ZNF831: variants seen among roughly 807,000 people sequenced by gnomAD.
The protein encoded by ZNF831 is zinc finger protein 831.
ZNF831 carries 59 observed loss-of-function variants against 95.8 expected under a neutral mutation model. That is an observed-to-expected ratio of 0.62 (90% CI 0.50 to 0.77). ZNF831 has a LOEUF of 0.77. Among genes scored for constraint, ZNF831 ranks in the 30% least tolerant of loss-of-function variants. The probability of loss-of-function intolerance (pLI) is 0.00; values close to 1 mark genes in which losing one functional copy is unlikely to be tolerated. For synonymous variants in ZNF831, 961 were observed against 925.5 expected (o/e 1.04, Z -0.70); for missense variants, 2,205 against 2,164.0 (o/e 1.02, Z -0.38).
intron 4 of ZNF831, among the ~76,000 whole-genome samples, chr20:59,211,779 TTGTGTGTGTG>T (rs11472424): frequency 4.8e-4 from 70 of 146,786 alleles, no homozygotes; most frequent in Admixed American, 1.7e-3. Context: ...GGAGCTGACC[TTGTGTGTGTG>T]TGTGTGTGTG....
At chr20:59,123,580 G>T (rs1237038584) in intron 1 of ZNF831, 1 of 152,960 alleles carries the variant, frequency 6.5e-6, no homozygotes, top group Non-Finnish European at 1.5e-5. Flanking sequence ...CAGCGCCGGG[G>T]GTTATTGGGG....
intron 2 of ZNF831, among the ~76,000 whole-genome samples, chr20:59,157,278 C>T (rs530100841): frequency 6.6e-6 from 1 of 152,056 alleles, no homozygotes; most frequent in Admixed American, 6.6e-5. Context: ...CACAAATGAG[C>T]GAGAAAGAAG....
In ZNF831 at chr20:59,255,667, C is replaced by G. The variant is rs1233636054; in HGVS notation, c.*924C>G. 6.6e-6 allele frequency: 1 copy of G among 152,232 alleles called. No individual in the cohort carries two copies. 9.4% of individuals were successfully genotyped at this position (152,232 alleles called of 1,614,324 possible). A position where few individuals can be genotyped will look rare whatever the true frequency, so the allele number is the denominator to read the frequency against. On this transcript the variant is annotated 3_prime_UTR_variant, in exon 6 of 6. Transcript: ENST00000371030. The stretch of plus-strand genomic sequence containing the variant: ...GGTTACATTTTAGTAATCTGTACAG[C>G]TTCAACTGATGCCTGCTCGTCGTGA...
chr20:59,254,771 C>A lies in ZNF831; in HGVS notation c.*28C>A. ...CTTCCAGAGAAACATGGTGTCTGGTCAAAAAGACTGTTGACGCTTCACAAG... is the reference window on the plus strand; with the variant it reads ...CTTCCAGAGAAACATGGTGTCTGGTAAAAAAGACTGTTGACGCTTCACAAG... On this transcript the variant is annotated 3_prime_UTR_variant, in exon 6 of 6. Transcript: ENST00000371030. This position sits in a 1 kb window ranked among gnomAD's most constrained non-coding sequence, Gnocchi z 4.5. The A allele has an allele frequency of 1.4e-6, 2 of 1,480,360 alleles. No individual in the cohort carries two copies. The highest frequency in any genetic ancestry group is 2.7e-5 in the South Asian group (2 of 75,354). 91.7% of individuals were successfully genotyped at this position (1,480,360 alleles called of 1,614,324 possible).
rs1165003048 is a variant in ZNF831, at chr20:59,192,426, C to G, written c.1407C>G (p.Pro469=). The change falls in exon 2 of 6, where the codon CCC becomes CCG. Residue 469 remains proline (P), a synonymous_variant. Coordinates refer to ENST00000371030, the MANE Select transcript of ZNF831 (RefSeq NM_178457.3). The surrounding 1 kb of genome is among the most constrained non-coding windows in gnomAD (Gnocchi z 5.2). ...LEPGRRRAPG[P]VRSTWTPPDK... is the part of the protein sequence containing the mutation. The stretch of plus-strand genomic sequence containing the variant: ...CAGGCCGTAGGAGGGCCCCGGGCCC[C>G]GTGCGCTCCACCTGGACGCCCCCAG... The G allele has an allele frequency of 1.9e-6, 3 of 1,609,992 alleles. No homozygotes were observed. Among genetic ancestry groups the G allele is most frequent in the Admixed American group, 1.7e-5 (1 of 59,546 alleles).
At chr20:59,235,630 G>T (rs889529475) in intron 4 of ZNF831, among the ~76,000 whole-genome samples, 2 of 152,008 alleles carry the variant, frequency 1.3e-5, no homozygotes, top group Non-Finnish European at 2.9e-5. Context: ...TAGAATCCTC[G>T]CTGAGAAAAT....
At chr20:59,215,213 G>A (rs570315027) in intron 4 of ZNF831, among the ~76,000 whole-genome samples, 9 of 152,320 alleles carry the variant, frequency 5.9e-5, no homozygotes, top group African/African-American at 9.6e-5. Context: ...TGTGGTTGAG[G>A]TTAATTATTT....
chr20:59,235,776 C>T (rs555058968), intron 4 of ZNF831, among the ~76,000 whole-genome samples: 1 of 152,194 alleles, frequency 6.6e-6, no homozygotes, highest in South Asian at 2.1e-4. Flanking sequence ...CTTCCATCCC[C>T]TCTCCTGGTA....
intron 4 of ZNF831, among the ~76,000 whole-genome samples, chr20:59,214,558 T>C (rs1266242319): frequency 6.6e-6 from 1 of 152,224 alleles, no homozygotes; most frequent in Non-Finnish European, 1.5e-5. Context: ...CAGCAAATCA[T>C]GTCTTGAAAA....
upstream of ZNF831, among the ~76,000 whole-genome samples, chr20:59,163,745 T>C (rs901644787): frequency 6.6e-6 from 1 of 151,096 alleles, no homozygotes; most frequent in Non-Finnish European, 1.5e-5. Context: ...TGCTTCTATC[T>C]CTTCCTGTTT....
chr20:59,245,653 G>A (rs1473497573), intron 4 of ZNF831, among the ~76,000 whole-genome samples: 3 of 152,158 alleles, frequency 2.0e-5, no homozygotes, highest in African/African-American at 7.2e-5. Context: ...GGAACCACTG[G>A]TTTTTAACAA....
chr20:59,151,804 G>A (rs1201683712), intron 2 of ZNF831, among the ~76,000 whole-genome samples: 1 of 152,244 alleles, frequency 6.6e-6, no homozygotes, highest in East Asian at 1.9e-4. Flanking sequence ...TATTGGAGAT[G>A]TTCTCCACGA....
chr20:59,258,080 A>G lies in ZNF831; in HGVS notation c.*3337A>G, dbSNP rs547195258. The G allele has an allele frequency of 1.1e-4, 16 of 150,530 alleles. No individual in the cohort carries two copies. In the South Asian group the frequency reaches 2.4e-3, roughly 22 times the overall value. The allele number at this position is 150,530 out of a possible 1,614,324, so 9.3% of individuals were successfully genotyped here. On this transcript the variant is annotated 3_prime_UTR_variant, in exon 6 of 6. Transcript: ENST00000371030. ...TGAAAAACAGCTCATCTCTCCTGTTAGGCTTAACCCTTGAGATTTGAGACA... is the reference window on the plus strand; with the variant it reads ...TGAAAAACAGCTCATCTCTCCTGTTGGGCTTAACCCTTGAGATTTGAGACA...
intron 1 of ZNF831, among the ~76,000 whole-genome samples, chr20:59,177,661 A>G (rs1038552209): frequency 2.0e-5 from 3 of 151,850 alleles, no homozygotes; most frequent in African/African-American, 7.3e-5. Context: ...TTAAAATTGC[A>G]CTCTTCCCTC....
chr20:59,193,916 C>T lies in ZNF831; in HGVS notation c.2897C>T (p.Ser966Phe), dbSNP rs2146591324. The change falls in exon 2 of 6, where the codon TCT becomes TTT. Residue 966 changes from serine to phenylalanine, a missense_variant. Ser to Phe is a radical substitution (Grantham distance 155, BLOSUM62 -2). Coordinates refer to ENST00000371030, the MANE Select transcript of ZNF831 (RefSeq NM_178457.3). ...IPWGPRHSQD[S>F]LCSSGWPEER... ...TGGGGACCAAGGCACAGCCAGGACT[C>T]TCTCTGCAGCAGTGGGTGGCCTGAA... is the stretch of plus-strand genomic sequence containing the variant. 6.2e-7 allele frequency: 1 copy of T among 1,600,614 alleles called. No homozygotes were observed. Among genetic ancestry groups the T allele is most frequent in the Non-Finnish European group, 8.5e-7 (1 of 1,173,290 alleles).
At chr20:59,179,524 C>G (rs1400928853) in intron 1 of ZNF831, among the ~76,000 whole-genome samples, 3 of 151,916 alleles carry the variant, frequency 2.0e-5, no homozygotes, top group African/African-American at 7.2e-5. Flanking sequence ...GAGGGAGGGG[C>G]CACCCTCCCT....
intron 1 of ZNF831, among the ~76,000 whole-genome samples, chr20:59,185,289 T>G (rs1004649460): frequency 1.3e-5 from 2 of 152,170 alleles, no homozygotes; most frequent in African/African-American, 4.8e-5. Context: ...GGATCAGCTG[T>G]TACTCAAAGG....
chr20:59,134,714 C>T (rs1441801932), intron 1 of ZNF831, among the ~76,000 whole-genome samples: 1 of 152,244 alleles, frequency 6.6e-6, no homozygotes, highest in Non-Finnish European at 1.5e-5. Context: ...CCCAACCTCT[C>T]TGTGCTCATC....
At chr20:59,240,835 A>C (rs1038395858) in intron 4 of ZNF831, among the ~76,000 whole-genome samples, 1 of 152,090 alleles carries the variant, frequency 6.6e-6, no homozygotes, top group African/African-American at 2.4e-5. Context: ...AAATAAAAAT[A>C]TTTCTAGGGA....
Sources: gnomAD v4.1 joint callset for allele counts (sites outside exome capture counted in the v4.1 genomes callset) on GRCh38, gnomAD v4.1.1 for gene constraint, Gnocchi (gnomAD v3.1) non-coding constraint, MANE v1.5 for transcripts, NCBI Gene and HGNC (gene_info 2026-07-23, HGNC 2026-07-21) for gene names.